Variants in THAP4 observed in about 807,000 individuals in gnomAD.
The protein encoded by THAP4 is THAP domain containing 4.
Under a neutral mutation model 48.1 loss-of-function variants are expected in THAP4, and 18 were observed. The observed-to-expected ratio is 0.37, with a 90% CI of 0.26 to 0.56. The LOEUF is 0.56. THAP4 is among the 20% of genes least tolerant of loss of function. The pLI is 0.78. For synonymous variants in THAP4, 345 were observed against 324.9 expected (o/e 1.06, Z -0.66); for missense variants, 656 against 774.9 (o/e 0.85, Z 1.82).
At chr2:241,613,274 CAAAAA>C (rs772453190) in intron 2 of THAP4, among the ~76,000 whole-genome samples, 2 of 83,194 alleles carry the variant, frequency 2.4e-5, no homozygotes, top group African/African-American at 9.0e-5. Flanking sequence ...TGTACTAAGC[CAAAAA>C]AAAAAAAAAA....
chr2:241,624,655 G>C (rs557550458), intron 2 of THAP4, among the ~76,000 whole-genome samples: 1 of 152,208 alleles, frequency 6.6e-6, no homozygotes, highest in Non-Finnish European at 1.5e-5. Context: ...CTGTAGTTCT[G>C]AAGTTTTCAT....
At chr2:241,630,338 G>GA (rs1002841840) in intron 2 of THAP4, among the ~76,000 whole-genome samples, 3 of 151,690 alleles carry the variant, frequency 2.0e-5, no homozygotes, top group Non-Finnish European at 2.9e-5. Context: ...AGAACTACAA[G>GA]AAAAAACCCA....
At chr2:241,628,627 C>T (rs1373526322) in intron 2 of THAP4, among the ~76,000 whole-genome samples, 1 of 151,538 alleles carries the variant, frequency 6.6e-6, no homozygotes, top group African/African-American at 2.4e-5. Context: ...ACTGCCACAA[C>T]AGTCACCAGC....
intron 5 of THAP4, among the ~76,000 whole-genome samples, chr2:241,598,449 G>C (rs767706744): frequency 1.3e-5 from 2 of 152,246 alleles, no homozygotes; most frequent in Middle Eastern, 3.4e-3. Flanking sequence ...ACACTGATGA[G>C]CTATTAATAT....
chr2:241,637,130 C>T lies in THAP4; in HGVS notation c.-113G>A, dbSNP rs1575045371. On this transcript the variant is annotated 5_prime_UTR_variant, in exon 1 of 6. Coordinates refer to ENST00000407315, the MANE Select transcript of THAP4 (RefSeq NM_015963.6). Reference sequence around the variant, plus strand: ...CGACACGGCTCGGGACGTGGGCCGGCCCGCGGCGTCCGCGCCGTACGGCAA... The same window carrying T: ...CGACACGGCTCGGGACGTGGGCCGGTCCGCGGCGTCCGCGCCGTACGGCAA... 1 of 995,404 alleles carries T rather than the reference C, an allele frequency of 1.0e-6. No homozygotes were observed. Among genetic ancestry groups the T allele is most frequent in the East Asian group, 1.1e-4 (1 of 9,196 alleles). 61.7% of individuals were successfully genotyped at this position (995,404 alleles called of 1,614,324 possible). A position where few individuals can be genotyped will look rare whatever the true frequency, so the allele number is the denominator to read the frequency against.
intron 2 of THAP4, among the ~76,000 whole-genome samples, chr2:241,624,553 G>A (rs1252920163): frequency 2.0e-5 from 3 of 151,914 alleles, no homozygotes; most frequent in African/African-American, 4.8e-5. Flanking sequence ...GAAGGGTCTC[G>A]GGCAAGGGGC....
At chr2:241,630,564 A>C (rs2067544102) in intron 2 of THAP4, among the ~76,000 whole-genome samples, 1 of 152,204 alleles carries the variant, frequency 6.6e-6, no homozygotes, top group African/African-American at 2.4e-5. Flanking sequence ...GGATCACCTG[A>C]GGTCGGGAGT....
intron 5 of THAP4, among the ~76,000 whole-genome samples, chr2:241,588,924 T>C (rs1200196884): frequency 1.3e-5 from 2 of 152,046 alleles, no homozygotes; most frequent in African/African-American, 4.8e-5. Flanking sequence ...ATTAAAACAT[T>C]TGGTTCTAGA....
chr2:241,607,281 C>A (rs1044032707), intron 2 of THAP4, among the ~76,000 whole-genome samples: 1 of 152,044 alleles, frequency 6.6e-6, no homozygotes, highest in African/African-American at 2.4e-5. Flanking sequence ...TCAAAGGGAC[C>A]CCTGCTTCCT....
rs766396467 is a variant in THAP4 at position 241,584,551 on chromosome 2, C to T, written c.*55G>A. The T allele has an allele frequency of 1.1e-4, 170 of 1,607,174 alleles. No individual in the cohort carries two copies. The highest frequency in any genetic ancestry group is 3.4e-4 in the Middle Eastern group (2 of 5,944). ...CCGCAGGGACTGTCTGTTGAGGAGC[C>T]GAACCGTTGAGGCACAGTAGCCAGG... On this transcript the variant is annotated 3_prime_UTR_variant, in exon 6 of 6. Transcript: ENST00000407315.
chr2:241,584,875 C>T, intron 5 of THAP4, 150 bp from the exon 6 acceptor site: 1 of 929,008 alleles, frequency 1.1e-6, no homozygotes, highest in Non-Finnish European at 1.7e-6. Context: ...AGCCCAGGGC[C>T]CCTGGGCATG....
rs779159925 is a variant in THAP4 at position 241,603,009 on chromosome 2, C to T, written c.1471G>A (p.Asp491Asn). The change falls in exon 4 of 6, where the codon GAC becomes AAC. Residue 491 changes from aspartate to asparagine, a missense_variant. Physicochemically the swap from Asp to Asn is conservative, Grantham distance 23. This residue lies in a region of THAP4 where 176 missense variants were observed against 256.7 expected (regional missense o/e 0.69). Coordinates refer to ENST00000407315, the MANE Select transcript of THAP4 (RefSeq NM_015963.6). ...CTGACAAAGGCCACCTTGTTGGTGT[C>T]GGGCTTGAGGCGAATGAAGCCACAC... ...RECGFIRLKP[D>N]TNKVAFVSAQ... 15 of 1,613,978 alleles carry T rather than the reference C, an allele frequency of 9.3e-6. No homozygotes were observed. Among genetic ancestry groups the T allele is most frequent in the South Asian group, 4.4e-5 (4 of 91,074 alleles).
intron 2 of THAP4, among the ~76,000 whole-genome samples, chr2:241,624,416 G>C (rs2067470395): frequency 6.6e-6 from 1 of 151,994 alleles, no homozygotes; most frequent in African/African-American, 2.4e-5. Flanking sequence ...GAACCCAGGG[G>C]GCAGAGGTTG....
In THAP4 at chr2:241,633,691, T is replaced by C. The variant is rs752248236; in HGVS notation, c.466A>G (p.Arg156Gly). The change falls in exon 2 of 6, where the codon AGG (arginine) becomes GGG (glycine). Residue 156 changes from arginine (R) to glycine (G), a missense_variant. Arg to Gly is a moderately radical substitution (Grantham distance 125). Coordinates refer to ENST00000407315, the MANE Select transcript of THAP4 (RefSeq NM_015963.6). The surrounding 1 kb of genome is among the most constrained non-coding windows in gnomAD (Gnocchi z 7.5). ...QAALQGEATPRAAQEAASQEQ... is the reference protein window; with the variant it reads ...QAALQGEATPGAAQEAASQEQ... ...TGGCTGGCGGCCTCCTGGGCCGCCC[T>C]GGGTGTGGCTTCACCTTGCAGAGCA... The C allele has an allele frequency of 1.9e-6, 3 of 1,611,606 alleles. No homozygotes were observed. Among genetic ancestry groups the C allele is most frequent in the Non-Finnish European group, 2.5e-6 (3 of 1,179,686 alleles).
chr2:241,598,221 G>A (rs773264200), intron 5 of THAP4, among the ~76,000 whole-genome samples: 21 of 152,156 alleles, frequency 1.4e-4, no homozygotes, highest in South Asian at 6.2e-4. Context: ...AAGCAGTCAC[G>A]GAACAAAGTA....
upstream of THAP4, chr2:241,637,257 G>T: frequency 9.3e-7 from 1 of 1,072,006 alleles, no homozygotes; most frequent in Non-Finnish European, 1.1e-6. Flanking sequence ...GCGGGGCGCC[G>T]CAGGCCCCTC....
intron 3 of THAP4, among the ~76,000 whole-genome samples, chr2:241,603,601 T>C (rs552106140): frequency 6.6e-5 from 10 of 152,318 alleles, no homozygotes; most frequent in African/African-American, 1.9e-4. Flanking sequence ...CCTCAGGGCA[T>C]ATCCTTGCCC....
chr2:241,627,549 C>A (rs530265925), intron 2 of THAP4, among the ~76,000 whole-genome samples: 1 of 152,232 alleles, frequency 6.6e-6, no homozygotes, highest in African/African-American at 2.4e-5. Context: ...ACCTCTGAAG[C>A]CCACTGGCCC....
At chr2:241,593,002 G>C (rs929960308) in intron 5 of THAP4, among the ~76,000 whole-genome samples, 1 of 152,212 alleles carries the variant, frequency 6.6e-6, no homozygotes, top group African/African-American at 2.4e-5. Flanking sequence ...CAGCACTTTG[G>C]GAAGCTGAGG....
Sources: allele counts gnomAD v4.1 joint callset (sites outside exome capture counted in the v4.1 genomes callset), GRCh38; gene constraint gnomAD v4.1.1; regional missense constraint gnomAD v4.1.1; non-coding constraint Gnocchi (gnomAD v3.1); transcripts MANE v1.5; gene names NCBI Gene and HGNC (gene_info 2026-07-23, HGNC 2026-07-21).